The following ATG10 variants were observed in gnomAD, a reference collection of about 807,000 sequenced individuals.
ATG10 encodes the protein ubiquitin-like-conjugating enzyme ATG10.
ATG10 carries 30 observed loss-of-function variants against 32.1 expected under a neutral mutation model. That is an observed-to-expected ratio of 0.94 (90% CI 0.70 to 1.27). The LOEUF (loss-of-function observed/expected upper bound fraction) is 1.27. Among genes scored for constraint, ATG10 ranks in the 50% most tolerant of loss-of-function variants. The probability of loss-of-function intolerance (pLI) is 0.00; values close to 1 mark genes in which losing one functional copy is unlikely to be tolerated. For missense variants in ATG10, 233 were observed against 262.3 expected (o/e 0.89, Z 0.77); for synonymous variants, 87 against 91.5 (o/e 0.95, Z 0.28).
intron 2 of ATG10, among the ~76,000 whole-genome samples, chr5:82,000,523 A>G (rs1173485201): frequency 6.6e-6 from 1 of 152,182 alleles, no homozygotes; most frequent in Non-Finnish European, 1.5e-5. Context: ...GAGGAAGTTG[A>G]ACTATTGCTG....
At chr5:82,249,924 T>A (rs1747181396) in intron 5 of ATG10, among the ~76,000 whole-genome samples, 1 of 152,158 alleles carries the variant, frequency 6.6e-6, no homozygotes, top group African/African-American at 2.4e-5. Context: ...AAAGGGAAAG[T>A]GAGTCTTGGA....
intron 5 of ATG10, among the ~76,000 whole-genome samples, chr5:82,183,259 T>C (rs1247732928): frequency 6.6e-6 from 1 of 152,128 alleles, no homozygotes; most frequent in East Asian, 1.9e-4. Context: ...AAAATAAGGT[T>C]TACACATTAA....
At chr5:82,071,673 G>A (rs1347612650) in intron 3 of ATG10, among the ~76,000 whole-genome samples, 4 of 152,050 alleles carry the variant, frequency 2.6e-5, no homozygotes, top group African/African-American at 9.7e-5. Flanking sequence ...GGAAGCAAGA[G>A]GGGCTCTGCA....
intron 3 of ATG10, among the ~76,000 whole-genome samples, chr5:82,127,339 T>C (rs569332342): frequency 1.1e-4 from 17 of 152,266 alleles, no homozygotes; most frequent in Non-Finnish European, 1.9e-4. Context: ...TGAATTTGTA[T>C]GTCCTTGCTC....
intron 1 of ATG10, among the ~76,000 whole-genome samples, chr5:81,985,787 G>T (rs1761246780): frequency 6.6e-6 from 1 of 152,134 alleles, no homozygotes; most frequent in African/African-American, 2.4e-5. Flanking sequence ...TTCTGAGACG[G>T]AGTGTCGCTC....
chr5:81,993,392 T>C (rs1181000899), intron 2 of ATG10, among the ~76,000 whole-genome samples: 2 of 124,234 alleles, frequency 1.6e-5, no homozygotes, highest in African/African-American at 6.8e-5. Flanking sequence ...TCTTTTCTTT[T>C]TTTTTCTTTT....
intron 3 of ATG10, among the ~76,000 whole-genome samples, chr5:82,101,259 A>G (rs1765262530): frequency 6.6e-6 from 1 of 152,138 alleles, no homozygotes; most frequent in Non-Finnish European, 1.5e-5. Context: ...TTCATGTATG[A>G]TTATTTCCAT....
intron 2 of ATG10, among the ~76,000 whole-genome samples, chr5:82,017,676 A>G (rs1762326984): frequency 6.6e-6 from 1 of 152,178 alleles, no homozygotes; most frequent in East Asian, 1.9e-4. Context: ...TTTAAGTAGT[A>G]AAATTTCTTT....
intron 2 of ATG10, among the ~76,000 whole-genome samples, chr5:82,031,448 G>A (rs1163743150): frequency 6.6e-6 from 1 of 152,154 alleles, no homozygotes; most frequent in African/African-American, 2.4e-5. Flanking sequence ...CATTCTTGGG[G>A]CCACAGAGGT....
Position 81,987,447 on chromosome 5 carries a change from G to C in ATG10, c.-12-112G>C. The C allele has an allele frequency of 2.7e-6, 2 of 738,654 alleles. No individual in the cohort carries two copies. Among genetic ancestry groups the C allele is most frequent in the Non-Finnish European group, 4.4e-6 (2 of 449,468 alleles). The allele number at this position is 738,654 out of a possible 1,614,324, so 45.8% of individuals were successfully genotyped here. A position where few individuals can be genotyped will look rare whatever the true frequency, so the allele number is the denominator to read the frequency against. ...GCCAAAACCATTTTTTAGTGGCCTT[G>C]AGGCCATTCTACATCCCAAATTTTG... On this transcript the variant is annotated intron_variant, in intron 1 of 7. Coordinates refer to ENST00000282185, the MANE Select transcript of ATG10 (RefSeq NM_031482.5).
chr5:82,200,177 G>A (rs1745008624), intron 5 of ATG10, among the ~76,000 whole-genome samples: 1 of 151,956 alleles, frequency 6.6e-6, no homozygotes, highest in Non-Finnish European at 1.5e-5. Flanking sequence ...TGGTCTATAT[G>A]ATAATTTTTT....
intron 1 of ATG10, among the ~76,000 whole-genome samples, chr5:81,987,092 G>T (rs2149666473): frequency 6.6e-6 from 1 of 152,012 alleles, no homozygotes; most frequent in South Asian, 2.1e-4. Flanking sequence ...AAAAAAATGG[G>T]GATAGGTGAG....
chr5:82,098,397 C>T (rs1471960770), intron 3 of ATG10, among the ~76,000 whole-genome samples: 2 of 150,384 alleles, frequency 1.3e-5, no homozygotes, highest in African/African-American at 2.5e-5. Flanking sequence ...CTGCAACCTC[C>T]GCCTCCTGGG....
chr5:82,205,569 A>G (rs1366069517), intron 5 of ATG10, among the ~76,000 whole-genome samples: 1 of 152,160 alleles, frequency 6.6e-6, no homozygotes, highest in Non-Finnish European at 1.5e-5. Context: ...ATGGATTCAG[A>G]TGTATTTTTA....
intron 3 of ATG10, among the ~76,000 whole-genome samples, chr5:82,154,823 C>T (rs1421243386): frequency 6.6e-6 from 1 of 152,180 alleles, no homozygotes; most frequent in East Asian, 1.9e-4. Flanking sequence ...CTGGTAAAAA[C>T]CAAGCAAAGA....
intron 2 of ATG10, among the ~76,000 whole-genome samples, chr5:82,014,729 A>G (rs1440406936): frequency 6.6e-6 from 1 of 152,176 alleles, no homozygotes; most frequent in Non-Finnish European, 1.5e-5. Context: ...GTGTCTCTGC[A>G]CGTGAGATGG....
intron 3 of ATG10, among the ~76,000 whole-genome samples, chr5:82,124,539 A>G (rs1766183133): frequency 6.6e-6 from 1 of 151,838 alleles, no homozygotes; most frequent in Non-Finnish European, 1.5e-5. Flanking sequence ...ATAAGCGAGA[A>G]CATGTGGTGT....
chr5:82,120,178 G>T (rs1393360647), intron 3 of ATG10, among the ~76,000 whole-genome samples: 1 of 152,124 alleles, frequency 6.6e-6, no homozygotes, highest in African/African-American at 2.4e-5. Context: ...TTGAAAGATT[G>T]TTATTGACAG....
intron 3 of ATG10, among the ~76,000 whole-genome samples, chr5:82,089,150 G>A (rs562869203): frequency 7.9e-5 from 12 of 151,970 alleles, no homozygotes; most frequent in African/African-American, 2.9e-4. Flanking sequence ...TCGGGAGTTC[G>A]AGACACACAT....
Sources: allele counts gnomAD v4.1 joint callset (sites outside exome capture counted in the v4.1 genomes callset), GRCh38; gene constraint gnomAD v4.1.1; transcripts MANE v1.5; gene names NCBI Gene and HGNC (gene_info 2026-07-23, HGNC 2026-07-21).